Variants in LRRC8D observed in about 807,000 individuals in gnomAD.
The protein encoded by LRRC8D is leucine rich repeat containing 8 VRAC subunit D.
Under a neutral mutation model 55.8 loss-of-function variants are expected in LRRC8D, and 20 were observed. That is an observed-to-expected ratio of 0.36 (90% CI 0.25 to 0.52). The LOEUF (loss-of-function observed/expected upper bound fraction) is 0.52, where lower values mean the gene tolerates loss of function less well. Among genes scored for constraint, LRRC8D ranks in the 20% least tolerant of loss-of-function variants. LRRC8D has a pLI of 0.93. For synonymous variants in LRRC8D, 352 were observed against 377.0 expected (o/e 0.93, Z 0.77); for missense variants, 651 against 1,030.8 (o/e 0.63, Z 5.05).
At chr1:89,843,234 G>C (rs1053869759) in intron 1 of LRRC8D, 1 of 159,352 alleles carries the variant, frequency 6.3e-6, no homozygotes, top group African/African-American at 2.4e-5. Context: ...TTTTCTGGGG[G>C]GTAGGGGTGG....
chr1:89,856,150 A>G (rs1046566308), intron 2 of LRRC8D, among the ~76,000 whole-genome samples: 1 of 152,154 alleles, frequency 6.6e-6, no homozygotes, highest in African/African-American at 2.4e-5. Flanking sequence ...CTTCTTGGGC[A>G]TTAAATTTAG....
chr1:89,930,936 G>T (rs1557489141), intron 2 of LRRC8D, among the ~76,000 whole-genome samples: 1 of 151,576 alleles, frequency 6.6e-6, no homozygotes, highest in Non-Finnish European at 1.5e-5. Context: ...AGTTCAAGTG[G>T]GCGTGTTATC....
intron 2 of LRRC8D, among the ~76,000 whole-genome samples, chr1:89,864,292 G>A (rs1023658226): frequency 1.3e-5 from 2 of 152,140 alleles, no homozygotes; most frequent in Admixed American, 6.5e-5. Context: ...TAGATGCAGA[G>A]GTAAGAAATT....
intron 1 of LRRC8D, among the ~76,000 whole-genome samples, chr1:89,830,516 A>G (rs1660861918): frequency 6.6e-6 from 1 of 152,166 alleles, no homozygotes; most frequent in Non-Finnish European, 1.5e-5. Flanking sequence ...TTCTGTGCTA[A>G]TCAGAGTTGG....
At chr1:89,860,041 A>G (rs1053876774) in intron 2 of LRRC8D, among the ~76,000 whole-genome samples, 1 of 152,232 alleles carries the variant, frequency 6.6e-6, no homozygotes, top group Non-Finnish European at 1.5e-5. Context: ...CTATTTGCCA[A>G]GTATTATTTC....
At chr1:89,917,938 T>G (rs1044588263) in intron 2 of LRRC8D, among the ~76,000 whole-genome samples, 3 of 152,148 alleles carry the variant, frequency 2.0e-5, no homozygotes, top group African/African-American at 7.2e-5. Flanking sequence ...TCGGTGAATA[T>G]TTCTTTCCCC....
intron 2 of LRRC8D, among the ~76,000 whole-genome samples, chr1:89,856,127 A>T (rs1187686587): frequency 6.6e-6 from 1 of 152,150 alleles, no homozygotes; most frequent in African/African-American, 2.4e-5. Flanking sequence ...CATATACAGC[A>T]ATGGAAAATA....
chr1:89,857,998 G>T (rs1033464434), intron 2 of LRRC8D, among the ~76,000 whole-genome samples: 1 of 152,230 alleles, frequency 6.6e-6, no homozygotes, highest in African/African-American at 2.4e-5. Flanking sequence ...GGAGGCTGAG[G>T]TGGGTGGATC....
chr1:89,873,854 A>G (rs1409201360), intron 2 of LRRC8D, among the ~76,000 whole-genome samples: 2 of 152,244 alleles, frequency 1.3e-5, no homozygotes, highest in Non-Finnish European at 2.9e-5. Flanking sequence ...CTAGTAGGTC[A>G]TTAATCTTTT....
intron 2 of LRRC8D, among the ~76,000 whole-genome samples, chr1:89,908,936 T>C (rs1310978978): frequency 6.6e-6 from 1 of 152,184 alleles, no homozygotes; most frequent in African/African-American, 2.4e-5. Context: ...TTTAAACCAG[T>C]GGAAAATACC....
intron 2 of LRRC8D, among the ~76,000 whole-genome samples, chr1:89,880,801 T>C (rs1402439809): frequency 6.6e-6 from 1 of 152,162 alleles, no homozygotes; most frequent in African/African-American, 2.4e-5. Context: ...AAATACAGAA[T>C]GTTAGATTAA....
intron 2 of LRRC8D, among the ~76,000 whole-genome samples, chr1:89,906,674 T>C (rs903132132): frequency 6.6e-6 from 1 of 152,184 alleles, no homozygotes; most frequent in Non-Finnish European, 1.5e-5. Flanking sequence ...TGCCTGTGTG[T>C]TGTGCCAAGT....
intron 2 of LRRC8D, among the ~76,000 whole-genome samples, chr1:89,882,866 C>A (rs1662319192): frequency 6.6e-6 from 1 of 152,144 alleles, no homozygotes; most frequent in Non-Finnish European, 1.5e-5. Flanking sequence ...CAGAAATAGC[C>A]ACTTGTTAGG....
chr1:89,823,739 A>G (rs1269735730), intron 1 of LRRC8D, among the ~76,000 whole-genome samples: 1 of 152,198 alleles, frequency 6.6e-6, no homozygotes, highest in African/African-American at 2.4e-5. Context: ...TTCTCGTAGT[A>G]ATCACAGAGA....
At chr1:89,859,427 G>T (rs1212819368) in intron 2 of LRRC8D, among the ~76,000 whole-genome samples, 1 of 152,140 alleles carries the variant, frequency 6.6e-6, no homozygotes, top group Non-Finnish European at 1.5e-5. Context: ...CCTTTCGTCT[G>T]TTTTTAACTT....
At chr1:89,906,605 C>T (rs1281786462) in intron 2 of LRRC8D, among the ~76,000 whole-genome samples, 1 of 152,160 alleles carries the variant, frequency 6.6e-6, no homozygotes, top group African/African-American at 2.4e-5. Flanking sequence ...CTTTCTCAGC[C>T]AAACTTTTGG....
At chr1:89,898,117 T>C (rs990919794) in intron 2 of LRRC8D, among the ~76,000 whole-genome samples, 2 of 152,196 alleles carry the variant, frequency 1.3e-5, no homozygotes, top group Admixed American at 1.3e-4. Flanking sequence ...AGGAAAAACC[T>C]TGGGTTCCTA....
At chr1:89,839,227 T>C (rs960140969) in intron 1 of LRRC8D, among the ~76,000 whole-genome samples, 9 of 152,226 alleles carry the variant, frequency 5.9e-5, no homozygotes, top group Non-Finnish European at 1.2e-4. Flanking sequence ...AAGGTAGTTC[T>C]GAGAATTCAT....
Position 89,898,278 on chromosome 1 carries a change from G to A in LRRC8D, c.-2-34789G>A, listed in dbSNP as rs186602145. Among the ~76,000 whole-genome samples, 69 of 152,264 alleles carry A rather than the reference G, an allele frequency of 4.5e-4. 2 individuals are homozygous for A. The highest frequency in any genetic ancestry group is 3.8e-3 in the Admixed American group (58 of 15,294). On this transcript the variant is annotated intron_variant, in intron 2 of 2. Transcript: ENST00000337338. ...GGAGGATGGTGAAAAATGGAAAACC[G>A]CAACCTGATGAGGAATCGTGAAATA...
Sources: allele counts gnomAD v4.1 joint callset (sites outside exome capture counted in the v4.1 genomes callset), GRCh38; gene constraint gnomAD v4.1.1; transcripts MANE v1.5; gene names NCBI Gene and HGNC (gene_info 2026-07-23, HGNC 2026-07-21).